The following NDST4 variants were observed in gnomAD, a reference collection of about 807,000 sequenced individuals.
NDST4 encodes the protein N-heparan sulfate sulfotransferase 4.
Under a neutral mutation model 100.8 loss-of-function variants are expected in NDST4, and 63 were observed. The observed-to-expected ratio is 0.62, with a 90% CI of 0.51 to 0.77. NDST4 has a LOEUF of 0.77. Ranked by LOEUF, NDST4 falls within the 30% of genes least tolerant of loss-of-function variation. NDST4 has a pLI of 0.00. For synonymous variants in NDST4, 377 were observed against 361.8 expected (o/e 1.04, Z -0.48); for missense variants, 943 against 1,018.4 (o/e 0.93, Z 1.01).
chr4:115,060,070 T>C (rs545228605), intron 2 of NDST4, among the ~76,000 whole-genome samples: 2 of 152,154 alleles, frequency 1.3e-5, no homozygotes, highest in East Asian at 3.9e-4. Context: ...GTTTATATCC[T>C]ACAGAGACTA....
At chr4:115,078,273 G>A (rs961183955) in intron 1 of NDST4, among the ~76,000 whole-genome samples, 1 of 152,108 alleles carries the variant, frequency 6.6e-6, no homozygotes, top group Non-Finnish European at 1.5e-5. Flanking sequence ...GGGGTGCCAG[G>A]TATCTCACAT....
At chr4:115,059,366 C>T (rs182519078) in intron 2 of NDST4, among the ~76,000 whole-genome samples, 2 of 152,162 alleles carry the variant, frequency 1.3e-5, no homozygotes, top group Admixed American at 6.5e-5. Flanking sequence ...CAAAATATCT[C>T]CTCTCCACAC....
chr4:115,065,667 A>G (rs1484219043), intron 2 of NDST4, among the ~76,000 whole-genome samples: 4 of 152,132 alleles, frequency 2.6e-5, no homozygotes, highest in Non-Finnish European at 5.9e-5. Context: ...TGGTTCAAAC[A>G]ATATATTTTC....
intron 2 of NDST4, among the ~76,000 whole-genome samples, chr4:115,045,378 T>C (rs1321683070): frequency 6.6e-6 from 1 of 152,202 alleles, no homozygotes; most frequent in Non-Finnish European, 1.5e-5. Context: ...AAGTGATCTT[T>C]CTGTTGGTAG....
chr4:115,083,679 C>T (rs926776420), intron 1 of NDST4, among the ~76,000 whole-genome samples: 9 of 152,116 alleles, frequency 5.9e-5, no homozygotes, highest in Non-Finnish European at 1.2e-4. Flanking sequence ...ATTGAATCAT[C>T]GTGGTGGTTA....
chr4:115,109,453 C>T (rs1211104150), intron 1 of NDST4, among the ~76,000 whole-genome samples: 2 of 151,868 alleles, frequency 1.3e-5, no homozygotes, highest in Non-Finnish European at 1.5e-5. Context: ...TATTAGCTTG[C>T]TAAAGTTGCT....
chr4:115,029,083 G>C (rs573356619), intron 2 of NDST4, among the ~76,000 whole-genome samples: 8 of 152,186 alleles, frequency 5.3e-5, no homozygotes, highest in African/African-American at 1.4e-4. Context: ...AAGAAACTTA[G>C]TCAGGGTGCA....
chr4:114,867,665 C>CAAAAAAAAAAAAAAAAAAAAAAAAAAGA, intron 7 of NDST4, among the ~76,000 whole-genome samples: 76 of 79,752 alleles, frequency 9.5e-4, no homozygotes, highest in East Asian at 2.0e-3. Flanking sequence ...AAAAAAAAAG[C>CAAAAAAAAAAAAAAAAAAAAAAAAAAGA]AAAAAAAAAA....
At chr4:115,012,517 A>G (rs1331661817) in intron 2 of NDST4, among the ~76,000 whole-genome samples, 1 of 152,082 alleles carries the variant, frequency 6.6e-6, no homozygotes, top group East Asian at 1.9e-4. Flanking sequence ...ATTAAGTAAA[A>G]TAAACAGTTA....
At chr4:115,032,611 T>A (rs1728138774) in intron 2 of NDST4, among the ~76,000 whole-genome samples, 2 of 152,144 alleles carry the variant, frequency 1.3e-5, no homozygotes, top group African/African-American at 4.8e-5. Context: ...TATTAGATTA[T>A]ATAATTAAAT....
At position 114,876,122 on chromosome 4, in the gene NDST4, C is replaced by A. The variant is rs1724249808; in HGVS notation, c.1537-5172G>T. Among the ~76,000 whole-genome samples, 8 of 152,236 alleles carry A rather than the reference C, an allele frequency of 5.3e-5. 1 individual carries two copies. The South Asian group carries it at 1.7e-3, about 32-fold the overall frequency. On this transcript the variant is annotated intron_variant, in intron 6 of 13. Transcript: ENST00000264363. ...AACACAGGATGAAACAACGTCTTTG[C>A]AGAGCAAGAAGAGAGCCACCCTGTT...
At chr4:115,110,101 C>T (rs983241834) in intron 1 of NDST4, among the ~76,000 whole-genome samples, 7 of 151,836 alleles carry the variant, frequency 4.6e-5, no homozygotes, top group African/African-American at 1.7e-4. Context: ...AGATTTGTCA[C>T]CTCTAGAAAG....
At chr4:115,023,163 C>A (rs540914165) in intron 2 of NDST4, among the ~76,000 whole-genome samples, 1 of 152,028 alleles carries the variant, frequency 6.6e-6, no homozygotes, top group East Asian at 1.9e-4. Flanking sequence ...GATGGGTGCA[C>A]CAAAATCTCA....
intron 2 of NDST4, among the ~76,000 whole-genome samples, chr4:114,985,192 A>G (rs1726872155): frequency 6.6e-6 from 1 of 152,184 alleles, no homozygotes. Flanking sequence ...ATCTGAAAAA[A>G]AACCTAGTGA....
chr4:114,865,738 A>T (rs1380745517), intron 7 of NDST4, among the ~76,000 whole-genome samples: 1 of 152,090 alleles, frequency 6.6e-6, no homozygotes, highest in Non-Finnish European at 1.5e-5. Context: ...TTGTGTGGGG[A>T]ATTTGACCCT....
intron 2 of NDST4, among the ~76,000 whole-genome samples, chr4:115,073,680 G>A (rs962935689): frequency 1.3e-5 from 2 of 151,814 alleles, no homozygotes; most frequent in South Asian, 2.1e-4. Context: ...GGAGAGATTC[G>A]GTTAAAGTAC....
At chr4:114,839,661 T>C (rs1723385450) in intron 10 of NDST4, 113 bp from the exon 11 acceptor site, 2 of 765,990 alleles carry the variant, frequency 2.6e-6, no homozygotes, top group Admixed American at 2.7e-5. Context: ...TGTATAAATG[T>C]GTGTGTCCTT....
intron 6 of NDST4, among the ~76,000 whole-genome samples, chr4:114,885,020 C>T (rs1435501859): frequency 6.6e-6 from 1 of 152,112 alleles, no homozygotes; most frequent in Non-Finnish European, 1.5e-5. Flanking sequence ...ATTTTCCCTC[C>T]TGTCTGCCTT....
intron 6 of NDST4, among the ~76,000 whole-genome samples, chr4:114,897,969 T>C (rs533728710): frequency 7.4e-4 from 112 of 152,356 alleles, no homozygotes; most frequent in Non-Finnish European, 1.5e-3. Flanking sequence ...GTATATTTGA[T>C]GTGCCCTTTG....
Sources: allele counts gnomAD v4.1 joint callset (sites outside exome capture counted in the v4.1 genomes callset), GRCh38; gene constraint gnomAD v4.1.1; transcripts MANE v1.5; gene names NCBI Gene and HGNC (gene_info 2026-07-23, HGNC 2026-07-21).